Variants in PYROXD1 observed in about 807,000 individuals in gnomAD.
The protein encoded by PYROXD1 is pyridine nucleotide-disulphide oxidoreductase domain 1.
PYROXD1 carries 42 observed loss-of-function variants against 62.0 expected under a neutral mutation model. The ratio of observed to expected loss-of-function variants is 0.68; its 90% confidence interval spans 0.53 to 0.88. PYROXD1 has a LOEUF of 0.88. Among genes scored for constraint, PYROXD1 ranks in the 40% least tolerant of loss-of-function variants. PYROXD1 has a pLI of 0.00. For missense variants in PYROXD1, 493 were observed against 604.8 expected (o/e 0.82, Z 1.94); for synonymous variants, 170 against 206.4 (o/e 0.82, Z 1.51).
chr12:21,466,161 G>C (rs537672200), intron 10 of PYROXD1, among the ~76,000 whole-genome samples: 1 of 150,632 alleles, frequency 6.6e-6, no homozygotes, highest in Non-Finnish European at 1.5e-5. Context: ...CTCTTTTTTG[G>C]TTCCATATGA....
intron 10 of PYROXD1, among the ~76,000 whole-genome samples, chr12:21,464,592 T>C (rs1271057305): frequency 6.6e-6 from 1 of 152,142 alleles, no homozygotes; most frequent in African/African-American, 2.4e-5. Context: ...GCTAACCTGT[T>C]TAATTCTCTC....
intron 7 of PYROXD1, among the ~76,000 whole-genome samples, chr12:21,460,114 T>G (rs1942666909): frequency 6.6e-6 from 1 of 152,322 alleles, no homozygotes; most frequent in African/African-American, 2.4e-5. Flanking sequence ...TTTGTGTGAT[T>G]TCTTTAGAGC....
At chr12:21,456,837 T>G (rs970883382) in intron 7 of PYROXD1, 1 of 452,810 alleles carries the variant, frequency 2.2e-6, no homozygotes, top group Non-Finnish European at 4.4e-6. Context: ...CAAGTATATG[T>G]AATATTTTAA....
chr12:21,464,675 AT>A (rs1839508511), intron 10 of PYROXD1, among the ~76,000 whole-genome samples: 1 of 151,884 alleles, frequency 6.6e-6, no homozygotes, highest in Admixed American at 6.6e-5. Context: ...AGTTAAATAT[AT>A]ATGTAGATCT....
In PYROXD1 at chr12:21,445,370, C is replaced by T. The variant is rs3759228; in HGVS notation, c.189C>T (p.Phe63=). 5.2e-5 allele frequency: 83 copies of T among 1,599,538 alleles called. No homozygotes were observed. In the East Asian group the frequency reaches 1.2e-3, roughly 24 times the overall value. ...FKQISKILEE[F]DVEEQSSTML... Reference sequence around the variant, plus strand: ...AGATTTCTAAAATATTGGAAGAATTCGATGTTGAAGAACAATCAAGTACCA... The same window carrying T: ...AGATTTCTAAAATATTGGAAGAATTTGATGTTGAAGAACAATCAAGTACCA... The change falls in exon 3 of 12, where the codon TTC becomes TTT. Residue 63 remains phenylalanine (F), a synonymous_variant. Transcript: ENST00000240651.
chr12:21,467,436 T>A, intron 10 of PYROXD1, 45 bp from the exon 11 acceptor site: 2 of 1,548,770 alleles, frequency 1.3e-6, no homozygotes, highest in South Asian at 2.4e-5. Flanking sequence ...TTTCAGATAA[T>A]GATCATGAAA....
At chr12:21,453,074 C>A (rs1218623790) in intron 5 of PYROXD1, among the ~76,000 whole-genome samples, 2 of 151,894 alleles carry the variant, frequency 1.3e-5, no homozygotes, top group East Asian at 3.9e-4. Flanking sequence ...AAATGTGGGC[C>A]AAGAGGGAAG....
In PYROXD1 at chr12:21,468,956, A is replaced by G. The variant is rs1942857632; in HGVS notation, c.*202A>G. ...GTTTATTTATAGATATATCTTTCCA[A>G]TACAACACTGACCGCTTAGATAAAA... On this transcript the variant is annotated 3_prime_UTR_variant, in exon 12 of 12. Coordinates refer to ENST00000240651, the MANE Select transcript of PYROXD1 (RefSeq NM_024854.5). 3.9e-6 allele frequency: 2 copies of G among 506,826 alleles called. No individual in the cohort carries two copies. Among genetic ancestry groups the G allele is most frequent in the Non-Finnish European group, 6.8e-6 (2 of 293,100 alleles). 31.4% of individuals were successfully genotyped at this position (506,826 alleles called of 1,614,324 possible). A position where few individuals can be genotyped will look rare whatever the true frequency, so the allele number is the denominator to read the frequency against.
At chr12:21,443,198 A>C (rs1348629982) in intron 2 of PYROXD1, among the ~76,000 whole-genome samples, 1 of 152,188 alleles carries the variant, frequency 6.6e-6, no homozygotes, top group Non-Finnish European at 1.5e-5. Flanking sequence ...CCAGAATGAT[A>C]CTAAATTTTT....
Position 21,455,135 on chromosome 12 carries a change from T to C in PYROXD1, c.492T>C (p.Tyr164=), listed in dbSNP as rs141093245. The C allele has an allele frequency of 4.5e-5, 63 of 1,401,778 alleles. No individual in the cohort carries two copies. The African/African-American group carries it at 8.4e-4, about 19-fold the overall frequency. 86.8% of individuals were successfully genotyped at this position (1,401,778 alleles called of 1,614,324 possible). A position where few individuals can be genotyped will look rare whatever the true frequency, so the allele number is the denominator to read the frequency against. Reference sequence around the variant, plus strand: ...GTAACTTTAACATTGTTTTTAGGTATGAAATTGAAGGCTGTGAAGTGATTT... The same window carrying C: ...GTAACTTTAACATTGTTTTTAGGTACGAAATTGAAGGCTGTGAAGTGATTT... ...GNGGIALELV[Y]EIEGCEVIWA... is the part of the protein sequence containing the mutation. Residue 164 remains tyrosine (Y), a synonymous_variant, in exon 6 of 12, where the codon TAT becomes TAC. Transcript: ENST00000240651.
At chr12:21,468,033 A>C (rs1231593276) in intron 11 of PYROXD1, among the ~76,000 whole-genome samples, 1 of 148,806 alleles carries the variant, frequency 6.7e-6, no homozygotes. Context: ...TTTTTTCCCT[A>C]ATTTACAGAG....
intron 4 of PYROXD1, among the ~76,000 whole-genome samples, chr12:21,451,383 T>G (rs1942495384): frequency 6.6e-6 from 1 of 152,076 alleles, no homozygotes; most frequent in African/African-American, 2.4e-5. Flanking sequence ...TCTAAGCTCA[T>G]TGTGATCTTT....
chr12:21,454,836 A>G (rs1942566573), intron 5 of PYROXD1: 1 of 185,844 alleles, frequency 5.4e-6, no homozygotes, highest in African/African-American at 2.3e-5. Flanking sequence ...AGTGTATTGT[A>G]GAAATTGAAC....
intron 10 of PYROXD1, among the ~76,000 whole-genome samples, chr12:21,464,079 C>T (rs192002915): frequency 2.6e-5 from 4 of 151,450 alleles, no homozygotes; most frequent in African/African-American, 9.7e-5. Context: ...TAACCTGCCT[C>T]ATTCTATGTC....
At chr12:21,444,670 T>C (rs1024733) in intron 2 of PYROXD1, among the ~76,000 whole-genome samples, 74,550 of 151,698 alleles carry the variant, frequency 0.49, 18,338 homozygotes, top group Middle Eastern at 0.58. Flanking sequence ...AAAGGGGTCA[T>C]GAGACCAAAA....
chr12:21,453,449 A>G (rs1942538386), intron 5 of PYROXD1, among the ~76,000 whole-genome samples: 1 of 152,086 alleles, frequency 6.6e-6, no homozygotes, highest in African/African-American at 2.4e-5. Flanking sequence ...ACTGTGTTTC[A>G]GTGAAACTAA....
intron 5 of PYROXD1, among the ~76,000 whole-genome samples, chr12:21,454,078 TC>T (rs1377134300): frequency 6.6e-6 from 1 of 151,936 alleles, no homozygotes; most frequent in Non-Finnish European, 1.5e-5. Context: ...AGCAAGGAGT[TC>T]CTTATCACCA....
intron 3 of PYROXD1, chr12:21,448,166 C>A: frequency 1.5e-6 from 1 of 671,278 alleles, no homozygotes; most frequent in Non-Finnish European, 2.8e-6. Context: ...ATATCAATTT[C>A]ACATACCTGG....
At chr12:21,460,833 T>G (rs1300720530) in intron 7 of PYROXD1, 192 bp from the exon 8 acceptor site, 1 of 358,608 alleles carries the variant, frequency 2.8e-6, no homozygotes, top group Non-Finnish European at 5.1e-6. Context: ...CTTAAGTTAC[T>G]GAATGAATTT....
Sources: allele counts gnomAD v4.1 joint callset (sites outside exome capture counted in the v4.1 genomes callset), GRCh38; gene constraint gnomAD v4.1.1; transcripts MANE v1.5; gene names NCBI Gene and HGNC (gene_info 2026-07-23, HGNC 2026-07-21).